The following SZT2 variants were observed in gnomAD, a reference collection of about 807,000 sequenced individuals.
The protein encoded by SZT2 is SZT2 subunit of KICSTOR complex, also known as KICSTOR complex protein SZT2.
In SZT2, 216 loss-of-function variants were observed where a neutral mutation model predicts 404.2. That is an observed-to-expected ratio of 0.53 (90% confidence interval 0.48 to 0.60). SZT2 has a LOEUF of 0.60. Ranked by LOEUF, SZT2 falls within the 20% of genes least tolerant of loss-of-function variation. SZT2 has a pLI of 0.00. For synonymous variants in SZT2, 1,693 were observed against 1,749.9 expected (o/e 0.97, Z 0.81); for missense variants, 3,857 against 4,459.2 (o/e 0.86, Z 3.85).
chr1:43,409,739 C>A, intron 4 of SZT2: 1 of 174,494 alleles, frequency 5.7e-6, no homozygotes, highest in Non-Finnish European at 1.2e-5. Context: ...AACTATAAAA[C>A]ATCGATGAGA....
chr1:43,422,675 C>A, intron 13 of SZT2, 43 bp downstream of exon 13: 2 of 1,082,638 alleles, frequency 1.8e-6, no homozygotes. Context: ...CCCCCACCCC[C>A]CCGCCACCTC....
At position 43,433,055 on chromosome 1, in the gene SZT2, C is replaced by T; in HGVS notation, c.5669C>T (p.Pro1890Leu). 1.2e-6 allele frequency: 2 copies of T among 1,614,144 alleles called. No individual in the cohort carries two copies. The highest frequency in any genetic ancestry group is 1.7e-4 in the Middle Eastern group (1 of 6,060). ...GPNDTLGEKA[P>L]FTLRTPPGPA... is the part of the protein sequence containing the mutation. ...AATGACACCCTTGGTGAGAAGGCCCCCTTCACATTGCGGACTCCACCTGGG... is the reference window on the plus strand; with the variant it reads ...AATGACACCCTTGGTGAGAAGGCCCTCTTCACATTGCGGACTCCACCTGGG... The change falls in exon 40 of 72, where the codon CCC becomes CTC. Residue 1890 changes from proline (P) to leucine (L), a missense_variant. Physicochemically the swap from Pro to Leu is moderately conservative, Grantham distance 98. Coordinates refer to ENST00000634258, the MANE Select transcript of SZT2 (RefSeq NM_001365999.1).
intron 1 of SZT2, among the ~76,000 whole-genome samples, chr1:43,390,457 G>A (rs1043648868): frequency 1.3e-5 from 2 of 152,188 alleles, no homozygotes; most frequent in African/African-American, 4.8e-5. Flanking sequence ...ATTTGAGTCG[G>A]ACTGAGACCT....
intron 62 of SZT2, chr1:43,445,603 C>A (rs559706172): frequency 2.1e-6 from 1 of 466,350 alleles, no homozygotes; most frequent in Non-Finnish European, 3.9e-6. Context: ...ATCACCTTCC[C>A]CCTTCTCTTT....
intron 4 of SZT2, 132 bp from the exon 5 acceptor site, chr1:43,414,950 C>A: frequency 1.7e-6 from 2 of 1,168,444 alleles, no homozygotes; most frequent in Non-Finnish European, 2.3e-6. Flanking sequence ...GCTGTGGAGT[C>A]ATACCTTAGA....
Position 43,428,491 on chromosome 1 carries a change from G to A in SZT2, c.4166+5G>A. The stretch of plus-strand genomic sequence containing the variant: ...TATCCTAGCTTCTGAATCCAGGTTA[G>A]GATTATACTTGAATGATGGATAAGG... On this transcript the variant is annotated splice_donor_5th_base_variant and intron_variant, in intron 28 of 71. Transcript: ENST00000634258. 1 of 1,612,576 alleles carries A rather than the reference G, an allele frequency of 6.2e-7. No homozygotes were observed. The highest frequency in any genetic ancestry group is 8.5e-7 in the Non-Finnish European group (1 of 1,179,796).
Position 43,421,276 on chromosome 1 carries a change from C to T in SZT2, c.1599C>T (p.Phe533=), listed in dbSNP as rs759820532. 1 of 1,598,618 alleles carries T rather than the reference C, an allele frequency of 6.3e-7. No individual in the cohort carries two copies. The highest frequency in any genetic ancestry group is 1.1e-5 in the South Asian group (1 of 91,084). The change falls in exon 11 of 72, where the codon TTC becomes TTT. Residue 533 remains phenylalanine, a synonymous_variant. Transcript: ENST00000634258. ...PDSTKSGVPL[F]YIPPGSTTPV... is the part of the protein sequence containing the mutation. ...GCACCAAGAGCGGAGTGCCACTCTT[C>T]TACATCCCTCCAGGCTCCACCACCC...
intron 1 of SZT2, among the ~76,000 whole-genome samples, chr1:43,391,484 A>G (rs527573557): frequency 6.6e-6 from 1 of 152,354 alleles, no homozygotes; most frequent in East Asian, 1.9e-4. Flanking sequence ...TTGGTGTGGT[A>G]AGACCCAACA....
chr1:43,451,264 G>T lies in SZT2; in HGVS notation c.*784G>T. The T allele has an allele frequency of 6.2e-7, 1 of 1,614,038 alleles. No homozygotes were observed. Among genetic ancestry groups the T allele is most frequent in the Non-Finnish European group, 8.5e-7 (1 of 1,180,032 alleles). On this transcript the variant is annotated 3_prime_UTR_variant, in exon 72 of 72. Coordinates refer to ENST00000634258, the MANE Select transcript of SZT2 (RefSeq NM_001365999.1). ...CACTGGCCAGCCTCTGGGTGGCCCCGCCTATCCCAGTATGAACGTAGCCAA... is the reference window on the plus strand; with the variant it reads ...CACTGGCCAGCCTCTGGGTGGCCCCTCCTATCCCAGTATGAACGTAGCCAA...
intron 41 of SZT2, among the ~76,000 whole-genome samples, 156 bp from the exon 42 acceptor site, chr1:43,435,044 C>T (rs1028161043): frequency 2.6e-5 from 4 of 152,210 alleles, no homozygotes; most frequent in African/African-American, 9.6e-5. Context: ...CTCTCAGAGG[C>T]CTGAGCTTTG....
rs949544469 is a variant in SZT2 at position 43,439,149 on chromosome 1, C to T, written c.6792+56C>T. The T allele has an allele frequency of 1.9e-5, 30 of 1,606,812 alleles. No homozygotes were observed. The highest frequency in any genetic ancestry group is 2.2e-5 in the East Asian group (1 of 44,802). On this transcript the variant is annotated intron_variant, in intron 48 of 71. Transcript: ENST00000634258. This position sits in a 1 kb window ranked among gnomAD's most constrained non-coding sequence, Gnocchi z 4.2. ...ATGTGCACCCCTGCCCCCTGCCCCA[C>T]GCACTTACTCTTTCCTACCGATACC...
chr1:43,446,119 C>G (rs1655635217), intron 63 of SZT2, 60 bp from the exon 64 acceptor site: 1 of 1,602,292 alleles, frequency 6.2e-7, no homozygotes. Flanking sequence ...AAGGGACTTC[C>G]ACCCTACTGA....
At chr1:43,423,413 TGTGGAGTGCGTGGCTTA>T (rs1176920329) in intron 15 of SZT2, 97 bp downstream of exon 15, 2 of 1,221,862 alleles carry the variant, frequency 1.6e-6, no homozygotes, top group Admixed American at 6.1e-5. Flanking sequence ...AGTATAGAGG[TGTGGAGTGCGTGGCTTA>T]GTGGGGTATG....
In SZT2 at chr1:43,439,069, T is replaced by C. The variant is rs137968835; in HGVS notation, c.6768T>C (p.Asp2256=). The C allele has an allele frequency of 7.4e-6, 12 of 1,614,092 alleles. No homozygotes were observed. The highest frequency in any genetic ancestry group is 1.0e-5 in the Non-Finnish European group (12 of 1,180,044). Residue 2256 remains aspartate, a synonymous_variant, in exon 48 of 72, where the codon GAT becomes GAC. Transcript: ENST00000634258. The surrounding 1 kb of genome is among the most constrained non-coding windows in gnomAD (Gnocchi z 4.2). ...TCCTGCACTCTCCCAAGTACACAGA[T>C]AGCAACAGCCGGAACCACTTCCAAG... is the stretch of plus-strand genomic sequence containing the variant. ...LIFLHSPKYT[D]SNSRNHFQHP... is the part of the protein sequence containing the mutation.
chr1:43,451,075 C>T lies in SZT2; in HGVS notation c.*595C>T, dbSNP rs756345534. ...TTCACAGCAACCCTGGCACTGGCTT[C>T]TCAATGGGAGGGAAGCAGCAGAGAA... On this transcript the variant is annotated 3_prime_UTR_variant, in exon 72 of 72. Coordinates refer to ENST00000634258, the MANE Select transcript of SZT2 (RefSeq NM_001365999.1). 3.6e-6 allele frequency: 3 copies of T among 825,038 alleles called. No individual in the cohort carries two copies. Among genetic ancestry groups the T allele is most frequent in the South Asian group, 2.7e-5 (2 of 74,698 alleles). The allele number at this position is 825,038 out of a possible 1,614,324, so 51.1% of individuals were successfully genotyped here.
At position 43,421,310 on chromosome 1, in the gene SZT2, A is replaced by G. The variant is rs542428578; in HGVS notation, c.1626+7A>G. On this transcript the variant is annotated splice_region_variant and intron_variant, in intron 11 of 71. Transcript: ENST00000634258. The stretch of plus-strand genomic sequence containing the variant: ...TCCAGGCTCCACCACCCCGGTGAGT[A>G]GCTCTGAAGTATAGTAGCCCCATTT... The G allele has an allele frequency of 1.3e-6, 2 of 1,598,220 alleles. No homozygotes were observed. The highest frequency in any genetic ancestry group is 1.7e-5 in the Admixed American group (1 of 60,006).
Position 43,427,053 on chromosome 1 carries a change from C to G in SZT2, c.3310-3C>G, listed in dbSNP as rs1653241118. ...TGCTCTAATTTCTGTTTTTCTCTTACAGAGTGTAGGTCTTCCTGAAACTCT... is the reference window on the plus strand; with the variant it reads ...TGCTCTAATTTCTGTTTTTCTCTTAGAGAGTGTAGGTCTTCCTGAAACTCT... On this transcript the variant is annotated splice_polypyrimidine_tract_variant and splice_region_variant and intron_variant, in intron 23 of 71. Transcript: ENST00000634258. 6.2e-7 allele frequency: 1 copy of G among 1,614,094 alleles called. No individual in the cohort carries two copies. Among genetic ancestry groups the G allele is most frequent in the Admixed American group, 1.7e-5 (1 of 60,006 alleles).
intron 51 of SZT2, 132 bp from the exon 52 acceptor site, chr1:43,440,321 A>G: frequency 1.5e-6 from 2 of 1,349,594 alleles, no homozygotes; most frequent in Non-Finnish European, 2.0e-6. Context: ...GCACACTATC[A>G]GTTGTATATA....
intron 1 of SZT2, among the ~76,000 whole-genome samples, chr1:43,399,322 C>T (rs1301192101): frequency 6.6e-6 from 1 of 152,076 alleles, no homozygotes; most frequent in Non-Finnish European, 1.5e-5. Context: ...GTTTTGCATC[C>T]TGGCATTATC....
Sources: gnomAD v4.1 joint callset for allele counts (sites outside exome capture counted in the v4.1 genomes callset) on GRCh38, gnomAD v4.1.1 for gene constraint, Gnocchi (gnomAD v3.1) non-coding constraint, MANE v1.5 for transcripts, NCBI Gene and HGNC (gene_info 2026-07-23, HGNC 2026-07-21) for gene names.